The following STOX1 variants were observed in gnomAD, a reference collection of about 807,000 sequenced individuals.
STOX1 encodes the protein storkhead box 1.
In STOX1, 57 loss-of-function variants were observed where a neutral mutation model predicts 74.8. That is an observed-to-expected ratio of 0.76 (90% CI 0.62 to 0.95). The LOEUF (loss-of-function observed/expected upper bound fraction) is 0.95. STOX1 is among the 40% of genes least tolerant of loss of function. The pLI is 0.00. For missense variants in STOX1, 1,010 were observed against 1,117.0 expected, an observed-to-expected ratio of 0.90 and a Z score of 1.37; for synonymous variants, 375 against 401.3, an observed-to-expected ratio of 0.93 and a Z score of 0.78.
Position 68,882,780 on chromosome 10 carries a change from G to A in STOX1, c.463+670G>A, listed in dbSNP as rs547897878. Among the ~76,000 whole-genome samples the A allele has an allele frequency of 1.7e-4, 26 of 152,172 alleles. No individual in the cohort carries two copies. In the South Asian group the frequency reaches 5.4e-3, roughly 32 times the overall value. On this transcript the variant is annotated intron_variant, in intron 2 of 3. Transcript: ENST00000298596. ...CCGAAGTGTTGGGATTACAGGCAAGGGCCACCATGCCCGGCATAAATTGGA... is the reference window on the plus strand; with the variant it reads ...CCGAAGTGTTGGGATTACAGGCAAGAGCCACCATGCCCGGCATAAATTGGA...
intron 1 of STOX1, among the ~76,000 whole-genome samples, chr10:68,860,569 CAAAAAA>C (rs11353333): frequency 1.3e-4 from 8 of 63,614 alleles, no homozygotes; most frequent in Admixed American, 4.2e-4. Context: ...GACTCTGTCT[CAAAAAA>C]AAAAAAAAAA....
chr10:68,832,341 T>A (rs1049950256), intron 1 of STOX1, among the ~76,000 whole-genome samples: 1 of 152,216 alleles, frequency 6.6e-6, no homozygotes, highest in African/African-American at 2.4e-5. Context: ...CTCCACCCTG[T>A]CACCCCCAGC....
At chr10:68,893,236 G>C (rs1432431817), downstream of STOX1, among the ~76,000 whole-genome samples, 1 of 152,204 alleles carries the variant, frequency 6.6e-6, no homozygotes, top group African/African-American at 2.4e-5. Flanking sequence ...TCATTACCAA[G>C]AAAGAGTTTA....
intron 3 of STOX1, among the ~76,000 whole-genome samples, chr10:68,888,802 AT>A (rs35174437): frequency 0.047 from 1,487 of 31,776 alleles, 2 homozygotes; most frequent in Admixed American, 0.058. Context: ...TGCCCAGCTA[AT>A]TTTTTTTTTT....
chr10:68,876,235 G>T (rs1418703094), intron 1 of STOX1, among the ~76,000 whole-genome samples: 7 of 151,528 alleles, frequency 4.6e-5, no homozygotes, highest in Non-Finnish European at 1.0e-4. Context: ...TCGGCTCACC[G>T]CAACCTCTGC....
At chr10:68,836,972 A>G (rs1421783272) in intron 1 of STOX1, among the ~76,000 whole-genome samples, 3 of 152,218 alleles carry the variant, frequency 2.0e-5, no homozygotes, top group African/African-American at 7.2e-5. Flanking sequence ...AACTGAAGCT[A>G]CACAGTTGTT....
intron 1 of STOX1, among the ~76,000 whole-genome samples, chr10:68,832,283 A>G (rs1337488490): frequency 1.3e-5 from 2 of 152,200 alleles, no homozygotes; most frequent in Non-Finnish European, 2.9e-5. Context: ...GTGGGCGGCC[A>G]CTTGGCCAAA....
In STOX1 at chr10:68,892,825, A is replaced by G; in HGVS notation, c.*89A>G. The stretch of plus-strand genomic sequence containing the variant: ...ATCATGTAAGAATTGAGTATATAAG[A>G]ATTGTCTAAAGGCAAGCATATCTAT... On this transcript the variant is annotated 3_prime_UTR_variant, in exon 4 of 4. Coordinates refer to ENST00000298596, the MANE Select transcript of STOX1 (RefSeq NM_152709.5). 2.8e-6 allele frequency: 4 copies of G among 1,415,844 alleles called. No individual in the cohort carries two copies. Among genetic ancestry groups the G allele is most frequent in the Non-Finnish European group, 3.9e-6 (4 of 1,019,380 alleles). The allele number at this position is 1,415,844 out of a possible 1,614,324, so 87.7% of individuals were successfully genotyped here.
At chr10:68,875,322 A>T (rs1840648661) in intron 1 of STOX1, among the ~76,000 whole-genome samples, 1 of 152,196 alleles carries the variant, frequency 6.6e-6, no homozygotes, top group Non-Finnish European at 1.5e-5. Context: ...CCCAGTGATC[A>T]TCTGTAACTG....
intron 1 of STOX1, among the ~76,000 whole-genome samples, chr10:68,851,855 C>T (rs1033952279): frequency 7.3e-5 from 11 of 149,892 alleles, no homozygotes; most frequent in East Asian, 2.0e-4. Flanking sequence ...AACAAACAGC[C>T]GGGCGTGTTG....
rs372991579 is a variant in STOX1, at chr10:68,873,365, A to G, written c.311-8593A>G. Among the ~76,000 whole-genome samples the G allele has an allele frequency of 6.3e-5, 9 of 142,548 alleles. No homozygotes were observed. In the East Asian group the frequency reaches 1.3e-3, roughly 20 times the overall value. The allele number at this position is 142,548 out of a possible 152,430, so 93.5% of individuals were successfully genotyped here. ...AAGCTCCGCCTCCCGGGTTCACGCC[A>G]TTCTCCTGCCTCAGCCTCCTGAGTA... On this transcript the variant is annotated intron_variant, in intron 1 of 3. Coordinates refer to ENST00000298596, the MANE Select transcript of STOX1 (RefSeq NM_152709.5).
intron 1 of STOX1, among the ~76,000 whole-genome samples, chr10:68,845,947 C>T (rs1839834582): frequency 6.6e-6 from 1 of 151,914 alleles, no homozygotes; most frequent in African/African-American, 2.4e-5. Context: ...CCATATTGCC[C>T]AGGCTGGTCT....
chr10:68,840,152 AC>A (rs1839657613), intron 1 of STOX1, among the ~76,000 whole-genome samples: 1 of 152,154 alleles, frequency 6.6e-6, no homozygotes, highest in Non-Finnish European at 1.5e-5. Context: ...ATGAAATTCT[AC>A]CCCTTTCTTA....
At chr10:68,880,447 G>A (rs1329491671) in intron 1 of STOX1, among the ~76,000 whole-genome samples, 4 of 152,094 alleles carry the variant, frequency 2.6e-5, no homozygotes, top group African/African-American at 9.7e-5. Context: ...GGGATTATGG[G>A]TGTGAGCCAC....
At chr10:68,850,223 T>C (rs1245527315) in intron 1 of STOX1, among the ~76,000 whole-genome samples, 2 of 152,214 alleles carry the variant, frequency 1.3e-5, no homozygotes, top group Non-Finnish European at 2.9e-5. Flanking sequence ...TTAGCCAGGA[T>C]GATCTGGATC....
intron 1 of STOX1, among the ~76,000 whole-genome samples, chr10:68,850,389 A>G (rs114635678): frequency 6.6e-6 from 1 of 152,314 alleles, no homozygotes; most frequent in African/African-American, 2.4e-5. Context: ...AAGCCTTGGT[A>G]ATAAAAAGAG....
chr10:68,843,902 C>T (rs1357925803), intron 1 of STOX1, among the ~76,000 whole-genome samples: 2 of 150,474 alleles, frequency 1.3e-5, no homozygotes, highest in South Asian at 2.2e-4. Flanking sequence ...GATAGTGGGC[C>T]GGGCGCCATG....
chr10:68,842,728 A>G (rs950283886), intron 1 of STOX1, among the ~76,000 whole-genome samples: 1 of 151,464 alleles, frequency 6.6e-6, no homozygotes, highest in African/African-American at 2.4e-5. Flanking sequence ...TTTAGTAGAG[A>G]TGGAATTTCA....
chr10:68,847,943 C>A (rs1002577563), intron 1 of STOX1, among the ~76,000 whole-genome samples: 2 of 152,182 alleles, frequency 1.3e-5, no homozygotes, highest in African/African-American at 4.8e-5. Context: ...GTTGGTCAGG[C>A]TGGTCTCAAA....
Sources: gnomAD v4.1 joint callset for allele counts (sites outside exome capture counted in the v4.1 genomes callset) on GRCh38, gnomAD v4.1.1 for gene constraint, MANE v1.5 for transcripts, NCBI Gene and HGNC (gene_info 2026-07-23, HGNC 2026-07-21) for gene names.